SLC19A1: variants seen among roughly 807,000 people sequenced by gnomAD.
SLC19A1 encodes the protein solute carrier family 19 member 1.
In SLC19A1, 37 loss-of-function variants were observed where a neutral mutation model predicts 35.3. That is an observed-to-expected ratio of 1.05 (90% CI 0.81 to 1.38). The LOEUF (loss-of-function observed/expected upper bound fraction) is 1.38. SLC19A1 is among the 40% of genes most tolerant of loss of function. The pLI is 0.00. For synonymous variants in SLC19A1, 460 were observed against 398.5 expected, an observed-to-expected ratio of 1.15 and a Z score of -1.84; for missense variants, 831 against 826.9, an observed-to-expected ratio of 1.00 and a Z score of -0.06.
chr21:45,529,554 G>C (rs910686184), intron 4 of SLC19A1, among the ~76,000 whole-genome samples: 2 of 152,154 alleles, frequency 1.3e-5, no homozygotes, highest in African/African-American at 2.4e-5. Context: ...TGTGTGGTCT[G>C]AGTATGTGGT....
At chr21:45,516,461 C>A (rs773494773) in intron 5 of SLC19A1, among the ~76,000 whole-genome samples, 3 of 152,206 alleles carry the variant, frequency 2.0e-5, no homozygotes, top group African/African-American at 4.8e-5. Flanking sequence ...TTGCTGCCCC[C>A]CCATGGTGCT....
At chr21:45,555,836 G>A (rs1008527522) in intron 1 of SLC19A1, among the ~76,000 whole-genome samples, 1 of 152,120 alleles carries the variant, frequency 6.6e-6, no homozygotes, top group Non-Finnish European at 1.5e-5. Flanking sequence ...AGGGGGTCGC[G>A]GACCCTGAGG....
At chr21:45,544,976 G>A (rs1468037282), upstream of SLC19A1, among the ~76,000 whole-genome samples, 2 of 152,222 alleles carry the variant, frequency 1.3e-5, no homozygotes, top group South Asian at 2.1e-4. Context: ...TAAGGTCCCC[G>A]TCAGCATAGG....
intron 3 of SLC19A1, chr21:45,504,204 C>A: frequency 1.0e-6 from 1 of 989,470 alleles, no homozygotes; most frequent in Non-Finnish European, 1.6e-6. Context: ...CGAGGGCGTC[C>A]CTCAGGATGT....
Position 45,530,656 on chromosome 21 carries a change from G to A in SLC19A1, c.1151+114C>T. 1.8e-6 allele frequency: 2 copies of A among 1,138,948 alleles called. No homozygotes were observed. Among genetic ancestry groups the A allele is most frequent in the Admixed American group, 4.9e-5 (2 of 40,702 alleles). The allele number at this position is 1,138,948 out of a possible 1,614,324, so 70.6% of individuals were successfully genotyped here. On this transcript the variant is annotated intron_variant, in intron 4 of 5. Transcript: ENST00000311124. This position sits in a 1 kb window ranked among gnomAD's most constrained non-coding sequence, Gnocchi z 5.3. ...TGGTCAGCTCCAGGTGGCTGGCGGG[G>A]CCAGCAGTGGCACAGCCGCTGGGGC...
chr21:45,535,280 G>A (rs369047962), intron 2 of SLC19A1, among the ~76,000 whole-genome samples: 2 of 152,252 alleles, frequency 1.3e-5, no homozygotes, highest in Admixed American at 1.3e-4. Context: ...GGACTCGGCC[G>A]GGGAAAGCGC....
At chr21:45,528,095 C>T (rs57287584) in intron 4 of SLC19A1, among the ~76,000 whole-genome samples, 4 of 148,372 alleles carry the variant, frequency 2.7e-5, no homozygotes, top group East Asian at 2.0e-4. Flanking sequence ...AGTGGAGGCT[C>T]GGGGGCAGGC....
At position 45,525,953 on chromosome 21, in the gene SLC19A1, T is replaced by C. The variant is rs1280585885; in HGVS notation, c.1157A>G (p.Gln386Arg). The change falls in exon 5 of 6, where the codon CAG (glutamine) becomes CGG (arginine). Residue 386 changes from glutamine (Q) to arginine (R), a missense_variant. Physicochemically the swap from Gln to Arg is conservative, Grantham distance 43 (BLOSUM62 1). Coordinates refer to ENST00000311124, the MANE Select transcript of SLC19A1 (RefSeq NM_194255.4). ...CTCTTTAGACAGAGAAGATGCAATCTGAAAGCTGAACGGGAAGAGCGGGCA... is the reference window on the plus strand; with the variant it reads ...CTCTTTAGACAGAGAAGATGCAATCCGAAAGCTGAACGGGAAGAGCGGGCA... ...YQFLVPIATFQIASSLSKELC... is the reference protein window; with the variant it reads ...YQFLVPIATFRIASSLSKELC... The C allele has an allele frequency of 6.8e-6, 11 of 1,613,044 alleles. No individual in the cohort carries two copies. Among genetic ancestry groups the C allele is most frequent in the Non-Finnish European group, 9.3e-6 (11 of 1,179,786 alleles).
chr21:45,560,554 C>T (rs181070376), intron 1 of SLC19A1, among the ~76,000 whole-genome samples: 2 of 148,124 alleles, frequency 1.4e-5, no homozygotes, highest in East Asian at 4.1e-4. Flanking sequence ...GAAGCGAAAT[C>T]AGAGTCCAAA....
At chr21:45,512,085 C>T, downstream of SLC19A1, 1 of 1,294,336 alleles carries the variant, frequency 7.7e-7, no homozygotes, top group Non-Finnish European at 1.1e-6. Flanking sequence ...CCCCTGGTAA[C>T]CCCAGGGCTG....
At position 45,534,577 on chromosome 21, in the gene SLC19A1, A is replaced by C. The variant is rs980376897; in HGVS notation, c.190-2429T>G. The C allele has an allele frequency of 1.3e-6, 2 of 1,535,588 alleles. No individual in the cohort carries two copies. Among genetic ancestry groups the C allele is most frequent in the African/African-American group, 2.7e-5 (2 of 73,050 alleles). The stretch of plus-strand genomic sequence containing the variant: ...AGCATGCCTCATTTCCTCTTCCACC[A>C]GGAGCTGGCTCTGCAGGCTGGGGCC... On this transcript the variant is annotated intron_variant, in intron 2 of 5. Coordinates refer to ENST00000311124, the MANE Select transcript of SLC19A1 (RefSeq NM_194255.4). The surrounding 1 kb of genome is among the most constrained non-coding windows in gnomAD (Gnocchi z 4.2).
intron 1 of SLC19A1, among the ~76,000 whole-genome samples, chr21:45,554,946 T>G (rs1419248961): frequency 2.0e-5 from 3 of 151,372 alleles, no homozygotes; most frequent in Admixed American, 2.0e-4. Context: ...ACGACATCGG[T>G]ACTTTCGGTC....
Position 45,516,092 on chromosome 21 carries a change from A to G in SLC19A1, c.1342T>C (p.Leu448=), listed in dbSNP as rs1484749071. ...YFLILSIIYF[L]GAMLDGLRHC... Reference sequence around the variant, plus strand: ...CGCAGGCCATCCAGCATGGCCCCCAAGAAGTAGATGATGGACAGGATCAGG... The same window carrying G: ...CGCAGGCCATCCAGCATGGCCCCCAGGAAGTAGATGATGGACAGGATCAGG... The change falls in exon 6 of 6, where the codon TTG becomes CTG. Residue 448 remains leucine, a synonymous_variant. Transcript: ENST00000311124. 1 of 1,604,428 alleles carries G rather than the reference A, an allele frequency of 6.2e-7. No homozygotes were observed. Among genetic ancestry groups the G allele is most frequent in the Non-Finnish European group, 8.5e-7 (1 of 1,176,886 alleles).
rs946036884 is a variant in SLC19A1, at chr21:45,517,333, C to T, written c.1294-1193G>A. Among the ~76,000 whole-genome samples the T allele has an allele frequency of 3.3e-5, 5 of 152,020 alleles. No individual in the cohort carries two copies. Among genetic ancestry groups the T allele is most frequent in the African/African-American group, 4.8e-5 (2 of 41,298 alleles). ...CCTGCTCCCCGCAAACACCAGACCT[C>T]GGCTCCACCCACCATGTCAGCAAGG... On this transcript the variant is annotated intron_variant, in intron 5 of 5. Coordinates refer to ENST00000311124, the MANE Select transcript of SLC19A1 (RefSeq NM_194255.4). This position sits in a 1 kb window ranked among gnomAD's most constrained non-coding sequence, Gnocchi z 4.4.
At chr21:45,535,632 G>T (rs1239252583) in intron 2 of SLC19A1, among the ~76,000 whole-genome samples, 1 of 152,214 alleles carries the variant, frequency 6.6e-6, no homozygotes, top group Non-Finnish European at 1.5e-5. Flanking sequence ...CGCCCCAGGA[G>T]TGAACTGGAA....
At chr21:45,551,319 T>C (rs1292634949) in intron 1 of SLC19A1, among the ~76,000 whole-genome samples, 2 of 152,176 alleles carry the variant, frequency 1.3e-5, no homozygotes, top group Non-Finnish European at 2.9e-5. Flanking sequence ...TTCTCATTAT[T>C]TTTTCTTTTT....
At chr21:45,519,769 A>C (rs150448858) in intron 5 of SLC19A1, among the ~76,000 whole-genome samples, 114 of 152,304 alleles carry the variant, frequency 7.5e-4, no homozygotes, top group Non-Finnish European at 1.2e-3. Flanking sequence ...ACAGATCCAC[A>C]ATTATACTTA....
At chr21:45,508,239 G>A (rs768937630), downstream of SLC19A1, among the ~76,000 whole-genome samples, 60 of 149,998 alleles carry the variant, frequency 4.0e-4, no homozygotes, top group Non-Finnish European at 6.9e-4. Context: ...GTGGGTAAGT[G>A]GGTGAGTGGA....
At chr21:45,523,597 GCA>G (rs1046023585) in intron 5 of SLC19A1, among the ~76,000 whole-genome samples, 1 of 152,216 alleles carries the variant, frequency 6.6e-6, no homozygotes, top group African/African-American at 2.4e-5. Context: ...GGGAGCACAC[GCA>G]CAGAGTCCCT....
Sources: allele counts gnomAD v4.1 joint callset (sites outside exome capture counted in the v4.1 genomes callset), GRCh38; gene constraint gnomAD v4.1.1; non-coding constraint Gnocchi (gnomAD v3.1); transcripts MANE v1.5; gene names NCBI Gene and HGNC (gene_info 2026-07-23, HGNC 2026-07-21).